Variants in SLC36A1 observed in about 807,000 individuals in gnomAD.
SLC36A1 encodes solute carrier family 36 member 1.
A neutral mutation model predicts 47.5 loss-of-function variants in SLC36A1; 30 were observed. The ratio of observed to expected loss-of-function variants is 0.63; its 90% CI spans 0.47 to 0.86. The LOEUF is 0.86. Among genes scored for constraint, SLC36A1 ranks in the 40% least tolerant of loss-of-function variants. The pLI is 0.00. For missense variants in SLC36A1, 517 were observed against 606.0 expected (o/e 0.85, Z 1.54); for synonymous variants, 255 against 249.7 (o/e 1.02, Z -0.20).
upstream of SLC36A1, among the ~76,000 whole-genome samples, chr5:151,436,206 C>T (rs1759769259): frequency 6.6e-6 from 1 of 152,076 alleles, no homozygotes; most frequent in Admixed American, 6.6e-5. Flanking sequence ...TGCAACTTAC[C>T]CAGAAAGTTT....
intron 10 of SLC36A1, among the ~76,000 whole-genome samples, chr5:151,485,538 C>G (rs1759398475): frequency 6.6e-6 from 1 of 152,192 alleles, no homozygotes; most frequent in Non-Finnish European, 1.5e-5. Context: ...ACTGATCCGC[C>G]AGACTCCCTG....
chr5:151,476,391 A>C (rs1184143503), intron 8 of SLC36A1, among the ~76,000 whole-genome samples, 199 bp from the exon 9 acceptor site: 1 of 152,226 alleles, frequency 6.6e-6, no homozygotes. Context: ...AGGACTTCCT[A>C]GCTAGGCAGT....
At chr5:151,405,313 A>G in the SLC36A1 span, among the ~76,000 whole-genome samples, 1 of 138,892 alleles carries the variant, frequency 7.2e-6, no homozygotes, top group Non-Finnish European at 1.6e-5. Flanking sequence ...TTGAGTTGCT[A>G]CTTTCTCTTA....
chr5:151,512,314 T>C, the SLC36A1 span: 1 of 1,614,204 alleles, frequency 6.2e-7, no homozygotes, highest in Non-Finnish European at 8.5e-7. This position sits in a 1 kb window ranked among gnomAD's most constrained non-coding sequence, Gnocchi z 4.1. Context: ...AGCCTCTTCG[T>C]TGACCACGAC....
chr5:151,522,288 A>G, the SLC36A1 span: 1 of 549,172 alleles, frequency 1.8e-6, no homozygotes, highest in African/African-American at 1.9e-5. Context: ...AAGGTTTTGT[A>G]GAGATTGAAG....
At chr5:151,415,023 TC>T in the SLC36A1 span, among the ~76,000 whole-genome samples, 1 of 151,930 alleles carries the variant, frequency 6.6e-6, no homozygotes, top group Non-Finnish European at 1.5e-5. Context: ...AGGTATGGAG[TC>T]AAGAGGGCCT....
At chr5:151,365,118 A>G in the SLC36A1 span, among the ~76,000 whole-genome samples, 1 of 152,110 alleles carries the variant, frequency 6.6e-6, no homozygotes, top group Non-Finnish European at 1.5e-5. Context: ...GAGTGGAGAA[A>G]GGGTGGTTGC....
At chr5:151,525,691 C>T in the SLC36A1 span, 1 of 1,529,466 alleles carries the variant, frequency 6.5e-7, no homozygotes, top group Non-Finnish European at 9.0e-7. Flanking sequence ...TCCCTAATGA[C>T]AGAAGCACTG....
the SLC36A1 span, among the ~76,000 whole-genome samples, chr5:151,363,334 T>C: frequency 6.6e-6 from 1 of 152,160 alleles, no homozygotes; most frequent in African/African-American, 2.4e-5. Flanking sequence ...TTGTCTGAGT[T>C]TTCAAACACT....
the SLC36A1 span, among the ~76,000 whole-genome samples, chr5:151,549,094 A>G: frequency 6.6e-6 from 1 of 152,100 alleles, no homozygotes; most frequent in African/African-American, 2.4e-5. Flanking sequence ...AGTGGTCCTT[A>G]CTCATATTGT....
the SLC36A1 span, among the ~76,000 whole-genome samples, chr5:151,402,329 C>T: frequency 6.6e-6 from 1 of 152,086 alleles, no homozygotes; most frequent in Non-Finnish European, 1.5e-5. Context: ...AACCTTGCAT[C>T]CCAGGAATAA....
chr5:151,421,217 C>CT, the SLC36A1 span, among the ~76,000 whole-genome samples: 3 of 146,664 alleles, frequency 2.0e-5, no homozygotes, highest in African/African-American at 5.0e-5. Flanking sequence ...TCCTTCCTTC[C>CT]TCCCTTTCTT....
the SLC36A1 span, chr5:151,521,674 G>T: frequency 6.2e-7 from 1 of 1,614,042 alleles, no homozygotes; most frequent in Non-Finnish European, 8.5e-7. Context: ...CAGCTCCTCG[G>T]GGGTGAGCTG....
At chr5:151,477,042 G>A (rs1758168791) in intron 9 of SLC36A1, 2 of 500,164 alleles carry the variant, frequency 4.0e-6, no homozygotes, top group Admixed American at 2.6e-5. Flanking sequence ...TCCATTCATG[G>A]TAAACCATTC....
chr5:151,536,456 T>G, the SLC36A1 span, among the ~76,000 whole-genome samples: 1 of 152,112 alleles, frequency 6.6e-6, no homozygotes, highest in African/African-American at 2.4e-5. Flanking sequence ...AAGCCAAATG[T>G]CAGCAGCTGG....
the SLC36A1 span, among the ~76,000 whole-genome samples, chr5:151,422,987 A>AACAG: frequency 6.6e-6 from 1 of 152,192 alleles, no homozygotes; most frequent in East Asian, 1.9e-4. Context: ...AAAAGACCTG[A>AACAG]ACAGACACCT....
At chr5:151,506,033 G>A in the SLC36A1 span, 17 of 1,568,776 alleles carry the variant, frequency 1.1e-5, no homozygotes, top group African/African-American at 1.9e-4. Context: ...CTTCGGAGTG[G>A]GGGTATTCCC....
the SLC36A1 span, chr5:151,553,391 A>G: frequency 6.2e-7 from 1 of 1,613,712 alleles, no homozygotes; most frequent in Admixed American, 1.7e-5. Flanking sequence ...CCTTGATCTG[A>G]AAGGAGGCCA....
At chr5:151,449,493 C>T (rs1295605001) in intron 1 of SLC36A1, among the ~76,000 whole-genome samples, 2 of 152,174 alleles carry the variant, frequency 1.3e-5, no homozygotes, top group East Asian at 3.8e-4. Context: ...CGTTTATATT[C>T]GCCTGCTCTG....
Sources: gnomAD v4.1 joint callset for allele counts (sites outside exome capture counted in the v4.1 genomes callset) on GRCh38, gnomAD v4.1.1 for gene constraint, Gnocchi (gnomAD v3.1) non-coding constraint, MANE v1.5 for transcripts, NCBI Gene and HGNC (gene_info 2026-07-23, HGNC 2026-07-21) for gene names.